DENND5A: variants seen among roughly 807,000 people sequenced by gnomAD.
DENND5A encodes DENN domain containing 5A.
A neutral mutation model predicts 140.3 loss-of-function variants in DENND5A; 64 were observed. The ratio of observed to expected loss-of-function variants is 0.46; its 90% CI spans 0.37 to 0.56. The LOEUF (loss-of-function observed/expected upper bound fraction) is 0.56. Ranked by LOEUF, DENND5A falls within the 20% of genes least tolerant of loss-of-function variation. DENND5A has a pLI of 0.00. For missense variants in DENND5A, 1,292 were observed against 1,593.8 expected, an observed-to-expected ratio of 0.81 and a Z score of 3.22; for synonymous variants, 605 against 607.7, an observed-to-expected ratio of 1.00 and a Z score of 0.07.
At chr11:9,255,623 T>G (rs1273012965) in intron 1 of DENND5A, among the ~76,000 whole-genome samples, 1 of 152,048 alleles carries the variant, frequency 6.6e-6, no homozygotes, top group East Asian at 1.9e-4. Context: ...CCCAGCACTT[T>G]GGAAGGCAGA....
chr11:9,170,981 G>T, intron 8 of DENND5A: 2 of 824,622 alleles, frequency 2.4e-6, no homozygotes. Flanking sequence ...TGGACATCAG[G>T]CAATGAAGGG....
In DENND5A at chr11:9,244,472, T is replaced by C. The variant is rs573960480; in HGVS notation, c.109+20489A>G. Among the ~76,000 whole-genome samples, 32 of 152,216 alleles carry C rather than the reference T, an allele frequency of 2.1e-4. No individual in the cohort carries two copies. In the East Asian group the frequency reaches 4.1e-3, roughly 19 times the overall value. On this transcript the variant is annotated intron_variant, in intron 1 of 22. Transcript: ENST00000328194. The stretch of plus-strand genomic sequence containing the variant: ...GCAACCTCCGCCTCCCAGGTTCAAG[T>C]GATTCTCCTGCCTCAGTCTCCCAAG...
At chr11:9,205,506 T>G (rs1165683937) in intron 3 of DENND5A, among the ~76,000 whole-genome samples, 1 of 152,196 alleles carries the variant, frequency 6.6e-6, no homozygotes, top group African/African-American at 2.4e-5. Flanking sequence ...TCTTCATCTG[T>G]GAAATAATAA....
chr11:9,224,127 G>C (rs192023949), intron 1 of DENND5A, among the ~76,000 whole-genome samples: 4 of 152,310 alleles, frequency 2.6e-5, no homozygotes, highest in African/African-American at 9.6e-5. Context: ...CTGGGAGGCA[G>C]AGGTTGCAGT....
intron 1 of DENND5A, among the ~76,000 whole-genome samples, chr11:9,254,733 CTGGGGAGGGA>C (rs1851872883): frequency 6.6e-6 from 1 of 152,118 alleles, no homozygotes; most frequent in African/African-American, 2.4e-5. Flanking sequence ...TACTTCATCT[CTGGGGAGGGA>C]TATCCTTTTC....
rs148803929 is a variant in DENND5A, at chr11:9,191,331, G to A, written c.1137+2163C>T. On this transcript the variant is annotated intron_variant, in intron 5 of 22. Transcript: ENST00000328194. ...TCGGCTCACTGCAACCTCTGGCTCC[G>A]GGCTTCAACAATTCTCCTGCCTCAG... Among the ~76,000 whole-genome samples, 952 of 152,026 alleles carry A rather than the reference G, an allele frequency of 6.3e-3. 5 individuals carry two copies. The highest frequency in any genetic ancestry group is 0.01 in the Non-Finnish European group (696 of 67,978).
intron 11 of DENND5A, among the ~76,000 whole-genome samples, chr11:9,163,330 G>A (rs944112919): frequency 3.3e-5 from 5 of 152,146 alleles, no homozygotes; most frequent in African/African-American, 9.7e-5. Flanking sequence ...TCAACAGCCT[G>A]TTGCCTCACG....
At chr11:9,162,777 G>A (rs369767642) in intron 11 of DENND5A, among the ~76,000 whole-genome samples, 29 of 151,900 alleles carry the variant, frequency 1.9e-4, no homozygotes, top group East Asian at 9.7e-4. Flanking sequence ...CATGGTTCAC[G>A]TAGCCTCAGC....
In DENND5A at chr11:9,178,167, G is replaced by C; in HGVS notation, c.1871C>G (p.Ser624Cys). 6.2e-7 allele frequency: 1 copy of C among 1,613,760 alleles called. No homozygotes were observed. The highest frequency in any genetic ancestry group is 8.5e-7 in the Non-Finnish European group (1 of 1,179,640). The change falls in exon 8 of 23, where the codon TCC becomes TGC. Residue 624 changes from serine (S) to cysteine (C), a missense_variant. This residue lies in a region of DENND5A where 199 missense variants were observed against 189.1 expected (regional missense o/e 1.05). Transcript: ENST00000328194. ...LNVRTPTLRT[S>C]MYQKCTTVDE... Reference sequence around the variant, plus strand: ...CACAGTGGTACACTTCTGGTACATGGATGTACGGAGAGTAGGTGTCCGAAC... The same window carrying C: ...CACAGTGGTACACTTCTGGTACATGCATGTACGGAGAGTAGGTGTCCGAAC...
intron 1 of DENND5A, among the ~76,000 whole-genome samples, chr11:9,255,060 GA>G (rs923890464): frequency 6.6e-5 from 10 of 151,884 alleles, no homozygotes; most frequent in Non-Finnish European, 1.3e-4. Context: ...CACAAAACAA[GA>G]CTCTGTCTCA....
At chr11:9,194,953 G>A (rs1231413732) in intron 4 of DENND5A, among the ~76,000 whole-genome samples, 1 of 150,158 alleles carries the variant, frequency 6.7e-6, no homozygotes, top group Non-Finnish European at 1.5e-5. Context: ...TCCTAACCTT[G>A]TGATCCACCC....
At chr11:9,257,057 CTGGAGTGCAG>C (rs758910435) in intron 1 of DENND5A, among the ~76,000 whole-genome samples, 25 of 152,222 alleles carry the variant, frequency 1.6e-4, no homozygotes, top group Non-Finnish European at 3.2e-4. Context: ...GTCACTCAGG[CTGGAGTGCAG>C]TGGCGCCATC....
intron 5 of DENND5A, among the ~76,000 whole-genome samples, chr11:9,185,301 T>C (rs900027849): frequency 3.3e-5 from 5 of 152,202 alleles, no homozygotes; most frequent in African/African-American, 1.2e-4. Flanking sequence ...AGGTATTTAT[T>C]AATTTTTTTT....
At position 9,181,009 on chromosome 11, in the gene DENND5A, A is replaced by T. The variant is rs1267135466; in HGVS notation, c.1213T>A (p.Leu405Met). Residue 405 changes from leucine to methionine, a missense_variant, in exon 6 of 23, where the codon TTG (leucine) becomes ATG (methionine). Leu to Met is a conservative substitution (Grantham distance 15). This residue lies in a region of DENND5A where 566 missense variants were observed against 650.4 expected (regional missense o/e 0.87). Transcript: ENST00000328194. ...PEDLPQFPNK[L>M]EFVQEVSEIL... is the part of the protein sequence containing the mutation. ...TCAGAGACTTCCTGGACAAACTCCA[A>T]TTTGTTGGGGAACTGTGGCAAGTCC... The T allele has an allele frequency of 6.2e-7, 1 of 1,614,166 alleles. No individual in the cohort carries two copies. The highest frequency in any genetic ancestry group is 1.7e-5 in the Admixed American group (1 of 60,022).
rs1847167493 is a variant in DENND5A, at chr11:9,139,605, T to C, written c.*66A>G. 6.0e-6 allele frequency: 9 copies of C among 1,506,322 alleles called. No homozygotes were observed. The highest frequency in any genetic ancestry group is 1.2e-5 in the South Asian group (1 of 81,674). The allele number at this position is 1,506,322 out of a possible 1,614,324, so 93.3% of individuals were successfully genotyped here. On this transcript the variant is annotated 3_prime_UTR_variant, in exon 23 of 23. Transcript: ENST00000328194. ...TCCTGCACAATCGCTTAAGTCCCTTTGGGAAAAAAGGTCAGAGCTGCAGGG... is the reference window on the plus strand; with the variant it reads ...TCCTGCACAATCGCTTAAGTCCCTTCGGGAAAAAAGGTCAGAGCTGCAGGG...
intron 1 of DENND5A, among the ~76,000 whole-genome samples, chr11:9,238,712 C>A (rs1177717060): frequency 6.6e-6 from 1 of 151,886 alleles, no homozygotes; most frequent in Non-Finnish European, 1.5e-5. Context: ...CTGTGCCCGG[C>A]CCAAAAATAT....
At chr11:9,143,936 TAAGAG>T (rs1408595331) in intron 19 of DENND5A, among the ~76,000 whole-genome samples, 156 bp downstream of exon 19, 1 of 152,148 alleles carries the variant, frequency 6.6e-6, no homozygotes, top group Admixed American at 6.5e-5. Flanking sequence ...CAGTGATTCA[TAAGAG>T]AAGGGTGCCA....
At chr11:9,261,153 C>CAG (rs1289476397) in intron 1 of DENND5A, among the ~76,000 whole-genome samples, 1 of 152,086 alleles carries the variant, frequency 6.6e-6, no homozygotes, top group Non-Finnish European at 1.5e-5. Context: ...GCCCAGCCTC[C>CAG]ATGTTTATTT....
chr11:9,220,674 C>T (rs1033737785), intron 1 of DENND5A, among the ~76,000 whole-genome samples: 6 of 152,016 alleles, frequency 3.9e-5, no homozygotes, highest in Non-Finnish European at 7.4e-5. Flanking sequence ...GGTTAGATTA[C>T]CTGAGGTCAG....
Sources: gnomAD v4.1 joint callset for allele counts (sites outside exome capture counted in the v4.1 genomes callset) on GRCh38, gnomAD v4.1.1 for gene constraint, gnomAD v4.1.1 regional missense constraint, MANE v1.5 for transcripts, NCBI Gene and HGNC (gene_info 2026-07-23, HGNC 2026-07-21) for gene names.